The following BRCA1 variants were observed in gnomAD, a reference collection of about 807,000 sequenced individuals.
BRCA1 encodes the protein breast cancer type 1 susceptibility protein.
Under a neutral mutation model 173.7 loss-of-function variants are expected in BRCA1, and 140 were observed. The ratio of observed to expected loss-of-function variants is 0.81; its 90% CI spans 0.70 to 0.93. BRCA1 has a LOEUF of 0.93. Among genes scored for constraint, BRCA1 ranks in the 40% least tolerant of loss-of-function variants. The pLI is 0.00. For synonymous variants in BRCA1, 662 were observed against 756.0 expected, an observed-to-expected ratio of 0.88 and a Z score of 2.04; for missense variants, 1,983 against 2,172.5, an observed-to-expected ratio of 0.91 and a Z score of 1.73.
At position 43,090,476 on chromosome 17, in the gene BRCA1, C is replaced by A. The variant is rs1243609378; in HGVS notation, c.4185+468G>T. ...GCAACCTCCGCCTCCCAGGTTCAGG[C>A]GATTCTCCTGTCTCAGCCTCCAGAA... On this transcript the variant is annotated intron_variant, in intron 11 of 22. Coordinates refer to ENST00000357654, the MANE Select transcript of BRCA1 (RefSeq NM_007294.4). Among the ~76,000 whole-genome samples, 4 of 152,258 alleles carry A rather than the reference C, an allele frequency of 2.6e-5. No individual in the cohort carries two copies. The South Asian group carries it at 8.3e-4, about 32-fold the overall frequency.
chr17:43,131,512 T>C (rs931071586), intron 1 of BRCA1, among the ~76,000 whole-genome samples: 3 of 152,130 alleles, frequency 2.0e-5, no homozygotes, highest in Non-Finnish European at 4.4e-5. Flanking sequence ...TGGTTCATTA[T>C]GTTTCATCCC....
rs989129232 is a variant in BRCA1, at chr17:43,071,282, T to G, written c.4676-44A>C. 6.3e-7 allele frequency: 1 copy of G among 1,594,750 alleles called. No homozygotes were observed. The highest frequency in any genetic ancestry group is 8.6e-7 in the Non-Finnish European group (1 of 1,163,714). On this transcript the variant is annotated intron_variant, in intron 14 of 22. Coordinates refer to ENST00000357654, the MANE Select transcript of BRCA1 (RefSeq NM_007294.4). The stretch of plus-strand genomic sequence containing the variant: ...GTTTAATTTACACAACGATGAATGT[T>G]GAATTACAAAGTTCTGGTCTCTGTT...
intron 11 of BRCA1, among the ~76,000 whole-genome samples, chr17:43,085,814 C>A (rs1022425439): frequency 1.3e-5 from 2 of 152,030 alleles, no homozygotes; most frequent in African/African-American, 4.8e-5. Flanking sequence ...GTATATCTGA[C>A]CCTTGTTTGT....
rs80356947 is a variant in BRCA1 at position 43,099,808 on chromosome 17, G to A, written c.514C>T (p.Gln172Ter). Residue 172 changes from glutamine (Q) to a stop codon, truncating the protein, a stop_gained, in exon 7 of 23, where the codon CAA becomes TAA. Coordinates refer to ENST00000357654, the MANE Select transcript of BRCA1 (RefSeq NM_007294.4). LOFTEE classifies it high-confidence loss of function. Reference protein sequence around the residue: ...VRTLRTKQRIQPQKTSVYIEL... With the variant: ...VRTLRTKQRI ...ATGTAGACAGACGTCTTTTGAGGTT[G>A]TATCCGCTGCTTTGTCCTCAGAGTT... 1 of 1,613,292 alleles carries A rather than the reference G, an allele frequency of 6.2e-7. No homozygotes were observed. Among genetic ancestry groups the A allele is most frequent in the Non-Finnish European group, 8.5e-7 (1 of 1,179,240 alleles).
chr17:43,087,380 A>G (rs2053267776), intron 11 of BRCA1, among the ~76,000 whole-genome samples: 1 of 152,186 alleles, frequency 6.6e-6, no homozygotes, highest in Non-Finnish European at 1.5e-5. Flanking sequence ...TTAACGACCC[A>G]GGCTGAGTGC....
chr17:43,100,654 TAACA>T (rs2054393396), intron 6 of BRCA1, among the ~76,000 whole-genome samples: 1 of 42,460 alleles, frequency 2.4e-5, no homozygotes. Flanking sequence ...AACATATATA[TAACA>T]TATATATATA....
At chr17:43,081,234 G>T (rs1262230165) in intron 12 of BRCA1, among the ~76,000 whole-genome samples, 1 of 152,214 alleles carries the variant, frequency 6.6e-6, no homozygotes, top group East Asian at 1.9e-4. Context: ...ATGGGACTCT[G>T]ATCTCTCATT....
chr17:43,115,851 T>C, intron 2 of BRCA1, 72 bp from the exon 3 acceptor site: 1 of 1,475,904 alleles, frequency 6.8e-7, no homozygotes, highest in Non-Finnish European at 9.2e-7. Context: ...AAGCTATTCT[T>C]AGTGAATAAG....
chr17:43,112,955 C>T (rs1319131873), intron 3 of BRCA1, among the ~76,000 whole-genome samples: 1 of 152,120 alleles, frequency 6.6e-6, no homozygotes, highest in Non-Finnish European at 1.5e-5. Flanking sequence ...AGGCATGCGC[C>T]TCCACGCCCG....
intron 1 of BRCA1, chr17:43,167,841 G>A (rs2056278241): frequency 6.5e-6 from 1 of 153,010 alleles, no homozygotes; most frequent in Non-Finnish European, 1.5e-5. Context: ...GATGGAGCTG[G>A]TTTTAGAGCT....
At chr17:43,056,627 C>T (rs542759505) in intron 19 of BRCA1, among the ~76,000 whole-genome samples, 4 of 151,424 alleles carry the variant, frequency 2.6e-5, no homozygotes, top group South Asian at 2.1e-4. Flanking sequence ...GAGCTGAGAT[C>T]GCACCACTGC....
chr17:43,102,822 T>A (rs1275822829), intron 6 of BRCA1, among the ~76,000 whole-genome samples: 6 of 152,028 alleles, frequency 3.9e-5, no homozygotes, highest in African/African-American at 1.2e-4. Flanking sequence ...CCAGATAATT[T>A]AAAAAAACTT....
At chr17:43,142,727 A>G (rs900597480) in intron 1 of BRCA1, among the ~76,000 whole-genome samples, 5 of 152,132 alleles carry the variant, frequency 3.3e-5, no homozygotes, top group Non-Finnish European at 5.9e-5. Context: ...ATGACTATTT[A>G]GTCTTGTGCT....
chr17:43,070,687 T>A (rs2052341440), intron 15 of BRCA1, among the ~76,000 whole-genome samples: 1 of 152,216 alleles, frequency 6.6e-6, no homozygotes, highest in Admixed American at 6.5e-5. Flanking sequence ...ACCCAAAGTA[T>A]AGCTTTTCCA....
chr17:43,076,884 G>GA (rs907721774), intron 12 of BRCA1, among the ~76,000 whole-genome samples: 117 of 148,094 alleles, frequency 7.9e-4, no homozygotes, highest in South Asian at 2.1e-3. Context: ...AGACAAGGCT[G>GA]AAAAAAAAAA....
chr17:43,091,185 T>C, intron 10 of BRCA1, 153 bp from the exon 11 acceptor site: 2 of 931,062 alleles, frequency 2.1e-6, no homozygotes, highest in African/African-American at 1.6e-5. Flanking sequence ...GATTTGCTTT[T>C]ATAAAATGAA....
At chr17:43,119,302 A>C (rs897896264) in intron 2 of BRCA1, 3 of 219,642 alleles carry the variant, frequency 1.4e-5, no homozygotes, top group African/African-American at 6.7e-5. Context: ...AAGGATCACA[A>C]GAAAAGCTTG....
rs546660277 is a variant in BRCA1, at chr17:43,124,874, A to C, written c.-20+397T>G. 8.3e-5 allele frequency: 25 copies of C among 300,704 alleles called. No homozygotes were observed. In the Admixed American group the frequency reaches 9.6e-4, roughly 11 times the overall value. The allele number at this position is 300,704 out of a possible 1,614,324, so 18.6% of individuals were successfully genotyped here. ...CGGGTTCTAGCGATTCTCCTGCCTC[A>C]GCCTCCTGAGTAGCTGGAGCGGCAC... On this transcript the variant is annotated intron_variant, in intron 1 of 22. Coordinates refer to ENST00000357654, the MANE Select transcript of BRCA1 (RefSeq NM_007294.4).
rs377629427 is a variant in BRCA1, at chr17:43,074,390, A to G, written c.4616T>C (p.Leu1539Pro). Reference sequence around the variant, plus strand: ...CAAATCGTGTGGCCCAGACTCTTCCAGCTGTTGCTCCTCCACATCAACAAC... The same window carrying G: ...CAAATCGTGTGGCCCAGACTCTTCCGGCTGTTGCTCCTCCACATCAACAAC... ...IKVVDVEEQQ[L>P]EESGPHDLTE... The change falls in exon 14 of 23, where the codon CTG becomes CCG. Residue 1539 changes from leucine to proline, a missense_variant. Physicochemically the swap from Leu to Pro is moderately conservative, Grantham distance 98 (BLOSUM62 -3). Transcript: ENST00000357654. 5.0e-6 allele frequency: 8 copies of G among 1,614,144 alleles called. No homozygotes were observed. Among genetic ancestry groups the G allele is most frequent in the Non-Finnish European group, 6.8e-6 (8 of 1,180,012 alleles).
Sources: allele counts gnomAD v4.1 joint callset (sites outside exome capture counted in the v4.1 genomes callset), GRCh38; gene constraint gnomAD v4.1.1; transcripts MANE v1.5; gene names NCBI Gene and HGNC (gene_info 2026-07-23, HGNC 2026-07-21).